Variants in DPP8 observed in about 807,000 individuals in gnomAD.
DPP8 encodes the protein dipeptidyl peptidase 8.
DPP8 carries 31 observed loss-of-function variants against 107.5 expected under a neutral mutation model. That is an observed-to-expected ratio of 0.29 (90% CI 0.22 to 0.39). DPP8 has a LOEUF of 0.39. DPP8 is among the 10% of genes least tolerant of loss of function. The pLI, the probability that DPP8 is intolerant of heterozygous loss-of-function variation, is 1.00. For synonymous variants in DPP8, 381 were observed against 356.6 expected (o/e 1.07, Z -0.77); for missense variants, 842 against 1,076.1 (o/e 0.78, Z 3.04).
chr15:65,456,258 C>T lies in DPP8; in HGVS notation c.2085G>A (p.Gly695=), dbSNP rs1357746055. ...VIDNRGSCHR[G]LKFEGAFKYK... is the part of the protein sequence containing the mutation. ...ATTTAAAGGCGCCTTCAAATTTAAGCCCTCGGTGACAGGATCCCCTGTTGT... is the reference window on the plus strand; with the variant it reads ...ATTTAAAGGCGCCTTCAAATTTAAGTCCTCGGTGACAGGATCCCCTGTTGT... The change falls in exon 16 of 20, where the codon GGG becomes GGA. Residue 695 remains glycine (G), a synonymous_variant. Transcript: ENST00000300141. 1.2e-6 allele frequency: 2 copies of T among 1,612,558 alleles called. No homozygotes were observed. Among genetic ancestry groups the T allele is most frequent in the Non-Finnish European group, 8.5e-7 (1 of 1,179,678 alleles).
At chr15:65,475,627 C>T in intron 11 of DPP8, 1 of 900,334 alleles carries the variant, frequency 1.1e-6, no homozygotes, top group Non-Finnish European at 1.8e-6. Flanking sequence ...CAAGGCATTT[C>T]TTCTAGAAAT....
rs887275260 is a variant in DPP8 at position 65,463,741 on chromosome 15, A to G, written c.1971+20T>C. The G allele has an allele frequency of 5.0e-6, 8 of 1,588,846 alleles. No individual in the cohort carries two copies. Among genetic ancestry groups the G allele is most frequent in the Admixed American group, 3.4e-5 (2 of 59,590 alleles). On this transcript the variant is annotated intron_variant, in intron 15 of 19. Coordinates refer to ENST00000300141, the MANE Select transcript of DPP8 (RefSeq NM_130434.5). The stretch of plus-strand genomic sequence containing the variant: ...CATATGCATATGGGTGTATGTATAT[A>G]TGTATATAAATATGCCCACCTGAGG...
chr15:65,479,639 T>G (rs1350001211), intron 10 of DPP8, among the ~76,000 whole-genome samples: 1 of 151,310 alleles, frequency 6.6e-6, no homozygotes, highest in East Asian at 1.9e-4. Context: ...GGTCAGGAGA[T>G]CGAGACCATC....
chr15:65,496,649 G>A (rs1567256034), intron 5 of DPP8, among the ~76,000 whole-genome samples: 1 of 151,906 alleles, frequency 6.6e-6, no homozygotes. Context: ...CTCCAAAACT[G>A]AAAGATAATT....
chr15:65,447,439 A>G (rs1261407364), intron 19 of DPP8, among the ~76,000 whole-genome samples: 2 of 152,246 alleles, frequency 1.3e-5, no homozygotes, highest in African/African-American at 4.8e-5. Context: ...TAGAAGTCAC[A>G]GTATTCCTCA....
At chr15:65,451,856 T>C in intron 18 of DPP8, 104 bp downstream of exon 18, 5 of 1,199,972 alleles carry the variant, frequency 4.2e-6, no homozygotes, top group Non-Finnish European at 5.6e-6. Context: ...GCCCAGGAGT[T>C]TGACGCTGCA....
intron 15 of DPP8, among the ~76,000 whole-genome samples, chr15:65,458,419 C>G (rs760961476): frequency 2.0e-5 from 3 of 152,044 alleles, no homozygotes; most frequent in African/African-American, 7.2e-5. Context: ...CACCACAATG[C>G]CTGGCTAATT....
intron 18 of DPP8, 92 bp downstream of exon 18, chr15:65,451,868 G>C: frequency 1.5e-6 from 2 of 1,292,680 alleles, no homozygotes; most frequent in Non-Finnish European, 1.0e-6. Flanking sequence ...GACGCTGCAG[G>C]GAGCCCTGAT....
chr15:65,514,441 T>C (rs1019875757), intron 1 of DPP8, among the ~76,000 whole-genome samples: 3 of 152,212 alleles, frequency 2.0e-5, no homozygotes, highest in African/African-American at 7.2e-5. Flanking sequence ...TTACTTGCCC[T>C]AATAAAAGCT....
chr15:65,448,671 CAAA>C (rs56658742), intron 19 of DPP8, among the ~76,000 whole-genome samples: 5,674 of 57,324 alleles, frequency 0.099, 263 homozygotes, highest in African/African-American at 0.15. Context: ...AACTCCATCT[CAAA>C]AAAAAAAAAA....
At chr15:65,515,235 A>G (rs766165640) in intron 1 of DPP8, among the ~76,000 whole-genome samples, 18 of 152,320 alleles carry the variant, frequency 1.2e-4, no homozygotes, top group Admixed American at 4.6e-4. Context: ...GGCCATGCCC[A>G]GCTTCTTATT....
intron 5 of DPP8, among the ~76,000 whole-genome samples, chr15:65,496,236 G>A (rs1437792788): frequency 6.6e-6 from 1 of 152,054 alleles, no homozygotes; most frequent in African/African-American, 2.4e-5. Flanking sequence ...GCCCGCCTCG[G>A]CCTTCCAAAG....
rs371246881 is a variant in DPP8, at chr15:65,504,667, CA to C, written c.372+2575del. ...CTGGCGACAGAGCAAGATTCCGTCTCAAAAAAAAAAAAAAAAAAACTGTGGT... is the reference window on the plus strand; with the variant it reads ...CTGGCGACAGAGCAAGATTCCGTCTCAAAAAAAAAAAAAAAAAACTGTGGT... On this transcript the variant is annotated intron_variant, in intron 3 of 19. Transcript: ENST00000300141. Among the ~76,000 whole-genome samples the C allele has an allele frequency of 4.7e-3, 516 of 108,832 alleles. 2 individuals carry two copies. Among genetic ancestry groups the C allele is most frequent in the African/African-American group, 0.019 (490 of 25,738 alleles). 71.4% of individuals were successfully genotyped at this position (108,832 alleles called of 152,430 possible).
chr15:65,454,712 G>A (rs918393177), intron 16 of DPP8, among the ~76,000 whole-genome samples: 1 of 152,094 alleles, frequency 6.6e-6, no homozygotes, highest in Non-Finnish European at 1.5e-5. Context: ...TTTTTTAGTA[G>A]AGACGGAGTT....
In DPP8 at chr15:65,481,543, T is replaced by G. The variant is rs771759303; in HGVS notation, c.1090A>C (p.Arg364=). 1 of 1,593,954 alleles carries G rather than the reference T, an allele frequency of 6.3e-7. No homozygotes were observed. Among genetic ancestry groups the G allele is most frequent in the Non-Finnish European group, 8.5e-7 (1 of 1,171,516 alleles). Reference sequence around the variant, plus strand: ...TTTCCCTCAGGAGTCCATCCAGCTCTGGCAATATATTCAACTCCTTCAAAT... The same window carrying G: ...TTTCCCTCAGGAGTCCATCCAGCTCGGGCAATATATTCAACTCCTTCAAAT... ...ILFEGVEYIA[R]AGWTPEGKYA... Residue 364 remains arginine (R), a synonymous_variant, in exon 9 of 20, where the codon AGA becomes CGA. Coordinates refer to ENST00000300141, the MANE Select transcript of DPP8 (RefSeq NM_130434.5).
intron 6 of DPP8, among the ~76,000 whole-genome samples, chr15:65,489,416 T>TTTTA (rs2067778445): frequency 7.3e-6 from 1 of 136,400 alleles, no homozygotes; most frequent in South Asian, 2.6e-4. Context: ...TAATCTACTT[T>TTTTA]TTTTTTTTTT....
At position 65,507,335 on chromosome 15, in the gene DPP8, C is replaced by T. The variant is rs1340799086; in HGVS notation, c.280G>A (p.Glu94Lys). 1 of 1,608,306 alleles carries T rather than the reference C, an allele frequency of 6.2e-7. No individual in the cohort carries two copies. Among genetic ancestry groups the T allele is most frequent in the Non-Finnish European group, 8.5e-7 (1 of 1,175,450 alleles). ...YYLAMSGENR[E>K]NTLFYSEIPK... ...ATTTCAGAATAAAACAGTGTATTTT[C>T]TCTGTTCTCACCAGACATGGCTATA... The change falls in exon 3 of 20, where the codon GAA becomes AAA. Residue 94 changes from glutamate (E) to lysine (K), a missense_variant. By Grantham distance (56) the Glu-to-Lys change is moderately conservative (BLOSUM62 1). Transcript: ENST00000300141.
chr15:65,499,761 C>T (rs557487356), intron 4 of DPP8, among the ~76,000 whole-genome samples: 5 of 151,318 alleles, frequency 3.3e-5, no homozygotes, highest in Middle Eastern at 3.5e-3. Flanking sequence ...GATGGGGTTT[C>T]GCCATGTTTC....
chr15:65,508,678 C>A (rs2070377531), intron 2 of DPP8, among the ~76,000 whole-genome samples: 1 of 152,026 alleles, frequency 6.6e-6, no homozygotes, highest in South Asian at 2.1e-4. Context: ...CATGGAGAAA[C>A]CCTGCCTCTA....
Sources: gnomAD v4.1 joint callset for allele counts (sites outside exome capture counted in the v4.1 genomes callset) on GRCh38, gnomAD v4.1.1 for gene constraint, MANE v1.5 for transcripts, NCBI Gene and HGNC (gene_info 2026-07-23, HGNC 2026-07-21) for gene names.